The following PDE4D variants were observed in gnomAD, a reference collection of about 807,000 sequenced individuals.
The protein encoded by PDE4D is phosphodiesterase 4D.
In PDE4D, 24 loss-of-function variants were observed where a neutral mutation model predicts 87.4. The ratio of observed to expected loss-of-function variants is 0.27; its 90% CI spans 0.20 to 0.39. The LOEUF is 0.39. Ranked by LOEUF, PDE4D falls within the 10% of genes least tolerant of loss-of-function variation. The probability of loss-of-function intolerance (pLI) is 1.00; values close to 1 mark genes in which losing one functional copy is unlikely to be tolerated. For synonymous variants in PDE4D, 384 were observed against 383.2 expected (o/e 1.00, Z -0.02); for missense variants, 714 against 1,041.0 (o/e 0.69, Z 4.32).
intron 1 of PDE4D, among the ~76,000 whole-genome samples, chr5:59,238,383 C>T (rs1756937969): frequency 6.6e-6 from 1 of 151,974 alleles, no homozygotes; most frequent in East Asian, 1.9e-4. Context: ...TAGTAGGTAA[C>T]AGTAATTAGA....
intron 1 of PDE4D, among the ~76,000 whole-genome samples, chr5:59,310,399 T>C (rs1772340300): frequency 6.6e-6 from 1 of 152,140 alleles, no homozygotes; most frequent in Non-Finnish European, 1.5e-5. Context: ...AATTCTTTAT[T>C]TCCTATCATG....
chr5:59,177,627 G>C (rs896633496), intron 5 of PDE4D, among the ~76,000 whole-genome samples: 1 of 152,156 alleles, frequency 6.6e-6, no homozygotes, highest in Non-Finnish European at 1.5e-5. Flanking sequence ...TTTGAGTGCT[G>C]GGTAGGCAGA....
chr5:60,214,087 T>A (rs1471906799), intron 1 of PDE4D, among the ~76,000 whole-genome samples: 1 of 152,192 alleles, frequency 6.6e-6, no homozygotes, highest in Non-Finnish European at 1.5e-5. Flanking sequence ...TCAACTTCCA[T>A]ATCATCTCCT....
chr5:59,741,204 A>T (rs1322012423), intron 1 of PDE4D, among the ~76,000 whole-genome samples: 1 of 152,160 alleles, frequency 6.6e-6, no homozygotes, highest in Non-Finnish European at 1.5e-5. Context: ...ATTTTCCTAA[A>T]TGTGTGACCT....
chr5:59,063,531 C>T (rs556587142), intron 5 of PDE4D: 2 of 152,312 alleles, frequency 1.3e-5, no homozygotes, highest in South Asian at 4.1e-4. Context: ...AATTTTCCTT[C>T]AGGCTACTAA....
At chr5:59,661,097 T>TA (rs1561426172) in intron 1 of PDE4D, among the ~76,000 whole-genome samples, 36 of 147,804 alleles carry the variant, frequency 2.4e-4, no homozygotes, top group Middle Eastern at 3.6e-3. Context: ...TATATATATA[T>TA]TTTGTCATCT....
intron 1 of PDE4D, among the ~76,000 whole-genome samples, chr5:59,591,368 C>T (rs295944): frequency 0.87 from 132,041 of 152,128 alleles, 57,391 homozygotes; most frequent in South Asian, 0.93. Context: ...CACCCTAGTT[C>T]CTGAGGTTGG....
At chr5:58,992,570 T>C (rs937448929) in intron 7 of PDE4D, among the ~76,000 whole-genome samples, 1 of 152,166 alleles carries the variant, frequency 6.6e-6, no homozygotes, top group Non-Finnish European at 1.5e-5. Flanking sequence ...TGTATGATAG[T>C]GAGATAAGGG....
chr5:60,315,139 C>G (rs1755439195), intron 1 of PDE4D, among the ~76,000 whole-genome samples: 1 of 152,164 alleles, frequency 6.6e-6, no homozygotes, highest in Non-Finnish European at 1.5e-5. Context: ...ACATCCTCTC[C>G]AGCACCTGTT....
chr5:60,122,364 G>T (rs2149381242), intron 2 of PDE4D, among the ~76,000 whole-genome samples: 1 of 152,328 alleles, frequency 6.6e-6, no homozygotes, highest in Non-Finnish European at 1.5e-5. Flanking sequence ...TGAGGGCCCT[G>T]CCCCTGCAGC....
rs538672624 is a variant in PDE4D at position 60,045,932 on chromosome 5, C to T, written c.43-57215G>A. Among the ~76,000 whole-genome samples the T allele has an allele frequency of 4.3e-3, 650 of 152,154 alleles. 3 individuals carry two copies. Among genetic ancestry groups the T allele is most frequent in the African/African-American group, 0.015 (615 of 41,514 alleles). On this transcript the variant is annotated intron_variant, in intron 2 of 16. Coordinates refer to the PDE4D transcript ENST00000502484. ...CATTGGTAGCTTGATGGGGATGGCA[C>T]TGAATCTTTAAATTACCTTGGGCAG...
intron 2 of PDE4D, among the ~76,000 whole-genome samples, chr5:60,094,915 CTTTA>C (rs571743788): frequency 1.6e-3 from 246 of 152,164 alleles, no homozygotes; most frequent in Admixed American, 3.6e-3. Flanking sequence ...AATGATCACT[CTTTA>C]TTTGTCTTCA....
At chr5:59,453,246 A>C (rs1033545073) in intron 1 of PDE4D, among the ~76,000 whole-genome samples, 3 of 152,134 alleles carry the variant, frequency 2.0e-5, no homozygotes, top group Admixed American at 6.6e-5. Flanking sequence ...GCCATTCCCT[A>C]TCTCTCTCTT....
intron 1 of PDE4D, among the ~76,000 whole-genome samples, chr5:59,377,871 G>C (rs1397438862): frequency 6.6e-6 from 1 of 152,132 alleles, no homozygotes; most frequent in African/African-American, 2.4e-5. Context: ...AGACAGTGTG[G>C]CAATTCCTCA....
chr5:59,224,634 C>A (rs1753339286), intron 1 of PDE4D, among the ~76,000 whole-genome samples: 1 of 152,124 alleles, frequency 6.6e-6, no homozygotes, highest in Non-Finnish European at 1.5e-5. Flanking sequence ...ATGTTGAAGC[C>A]TTAATCACCA....
At chr5:59,303,269 C>G (rs256750) in intron 1 of PDE4D, among the ~76,000 whole-genome samples, 100,179 of 151,986 alleles carry the variant, frequency 0.66, 34,141 homozygotes, top group African/African-American at 0.83. Context: ...GTTTGGGGTC[C>G]TTGTAGATTC....
At chr5:59,211,281 G>A (rs1561718577) in intron 2 of PDE4D, among the ~76,000 whole-genome samples, 1 of 152,096 alleles carries the variant, frequency 6.6e-6, no homozygotes, top group Non-Finnish European at 1.5e-5. Context: ...CAAATTGTGT[G>A]ACGGTCTCTG....
At chr5:59,269,892 G>T (rs576936981) in intron 1 of PDE4D, among the ~76,000 whole-genome samples, 284 of 151,920 alleles carry the variant, frequency 1.9e-3, no homozygotes, top group African/African-American at 6.7e-3. Context: ...TGAAATAAAC[G>T]TGTTTAAAAT....
At chr5:60,431,213 G>A (rs34280223) in intron 1 of PDE4D, 40,272 of 187,922 alleles carry the variant, frequency 0.21, 5,233 homozygotes, top group Non-Finnish European at 0.27. Context: ...GCTGCTGGGC[G>A]GAGACGCTCC....
Sources: allele counts gnomAD v4.1 joint callset (sites outside exome capture counted in the v4.1 genomes callset), GRCh38; gene constraint gnomAD v4.1.1; transcripts MANE v1.5; gene names NCBI Gene and HGNC (gene_info 2026-07-23, HGNC 2026-07-21).